The following CLIP2 variants were observed in gnomAD, a reference collection of about 807,000 sequenced individuals.
CLIP2 encodes the protein CAP-Gly domain-containing linker protein 2.
Under a neutral mutation model 111.7 loss-of-function variants are expected in CLIP2, and 41 were observed. The ratio of observed to expected loss-of-function variants is 0.37; its 90% CI spans 0.29 to 0.48. The LOEUF is 0.48. Ranked by LOEUF, CLIP2 falls within the 20% of genes least tolerant of loss-of-function variation. CLIP2 has a pLI of 0.99. For missense variants in CLIP2, 1,160 were observed against 1,422.1 expected, an observed-to-expected ratio of 0.82 and a Z score of 2.96; for synonymous variants, 660 against 644.2, an observed-to-expected ratio of 1.02 and a Z score of -0.37.
In CLIP2 at chr7:74,357,262, A is replaced by C. The variant is rs1554308637; in HGVS notation, c.1018-18A>C. 6.2e-7 allele frequency: 1 copy of C among 1,613,024 alleles called. No homozygotes were observed. On this transcript the variant is annotated intron_variant, in intron 5 of 16. Coordinates refer to ENST00000223398, the MANE Select transcript of CLIP2 (RefSeq NM_003388.5). ...CTTCAGATCCCTGAGACCCGCCTGCATCCACACCTTCCTGCAGCTCACGGA... is the reference window on the plus strand; with the variant it reads ...CTTCAGATCCCTGAGACCCGCCTGCCTCCACACCTTCCTGCAGCTCACGGA...
intron 9 of CLIP2, 146 bp from the exon 10 acceptor site, chr7:74,375,741 G>A: frequency 1.6e-6 from 1 of 625,942 alleles, no homozygotes; most frequent in Non-Finnish European, 2.7e-6. Context: ...AGGAGGGAGT[G>A]AGCGCCTTTC....
In CLIP2 at chr7:74,405,649, G is replaced by C. The variant is rs1192091254; in HGVS notation, c.*1801G>C. ...CAAAATCAGGCAGCTCTGCCCCATC[G>C]GTAGGGGCACCGATTAGTCTACTAA... is the stretch of plus-strand genomic sequence containing the variant. On this transcript the variant is annotated 3_prime_UTR_variant, in exon 17 of 17. Transcript: ENST00000223398. 3 of 152,670 alleles carry C rather than the reference G, an allele frequency of 2.0e-5. No individual in the cohort carries two copies. Among genetic ancestry groups the C allele is most frequent in the African/African-American group, 4.8e-5 (2 of 41,448 alleles). The allele number at this position is 152,670 out of a possible 1,614,324, so 9.5% of individuals were successfully genotyped here. A position where few individuals can be genotyped will look rare whatever the true frequency, so the allele number is the denominator to read the frequency against.
intron 13 of CLIP2, among the ~76,000 whole-genome samples, chr7:74,396,022 C>T (rs781925610): frequency 2.6e-5 from 4 of 152,106 alleles, no homozygotes; most frequent in African/African-American, 4.8e-5. Flanking sequence ...GTTCTCTACC[C>T]GTGGCCACCT....
At chr7:74,357,679 A>G (rs945195882) in intron 6 of CLIP2, among the ~76,000 whole-genome samples, 3 of 152,162 alleles carry the variant, frequency 2.0e-5, no homozygotes, top group African/African-American at 7.2e-5. Flanking sequence ...GTATAAGGAT[A>G]CATACACCTA....
At position 74,317,639 on chromosome 7, in the gene CLIP2, G is replaced by A. The variant is rs782716870; in HGVS notation, c.93G>A (p.Ser31=). Residue 31 remains serine (S), a synonymous_variant, in exon 2 of 17, where the codon TCG becomes TCA. Coordinates refer to ENST00000223398, the MANE Select transcript of CLIP2 (RefSeq NM_003388.5). ...GRTSTGSASS[S]AAVAASSKEG... is the part of the protein sequence containing the mutation. ...CATCTACTGGGTCAGCTTCATCCTC[G>A]GCGGCGGTGGCCGCTAGCTCCAAGG... 143 of 1,515,298 alleles carry A rather than the reference G, an allele frequency of 9.4e-5. No individual in the cohort carries two copies. Among genetic ancestry groups the A allele is most frequent in the Non-Finnish European group, 1.2e-4 (139 of 1,125,448 alleles). 93.9% of individuals were successfully genotyped at this position (1,515,298 alleles called of 1,614,324 possible). A position where few individuals can be genotyped will look rare whatever the true frequency, so the allele number is the denominator to read the frequency against.
intron 1 of CLIP2, among the ~76,000 whole-genome samples, chr7:74,310,036 CAAAAAAAAAAAAAA>C (rs71094774): frequency 6.3e-4 from 58 of 92,438 alleles, no homozygotes; most frequent in African/African-American, 3.4e-3. Flanking sequence ...CCTGTCTCTA[CAAAAAAAAAAAAAA>C]AAAAAAAAAA....
intron 1 of CLIP2, among the ~76,000 whole-genome samples, chr7:74,315,366 A>G (rs1349061923): frequency 1.3e-5 from 2 of 150,620 alleles, no homozygotes; most frequent in Non-Finnish European, 3.0e-5. Context: ...TTTTTTTGCC[A>G]TGATTAATAT....
intron 3 of CLIP2, among the ~76,000 whole-genome samples, chr7:74,340,880 G>A (rs1437073821): frequency 5.3e-5 from 8 of 152,086 alleles, no homozygotes; most frequent in African/African-American, 1.9e-4. Flanking sequence ...CCAACCCGAG[G>A]TGGGGAGCAC....
In CLIP2 at chr7:74,326,901, G is replaced by A. The variant is rs139463811; in HGVS notation, c.121+9234G>A. 2.6e-3 allele frequency among the ~76,000 whole-genome samples: 393 copies of A among 151,724 alleles called. 2 individuals carry two copies. The highest frequency in any genetic ancestry group is 9.3e-3 in the African/African-American group (384 of 41,368). ...TCCGCCTGCCTCGGCCTCCCAAAGTGCTAGGATTACAGGCCTGGGTCACCG... is the reference window on the plus strand; with the variant it reads ...TCCGCCTGCCTCGGCCTCCCAAAGTACTAGGATTACAGGCCTGGGTCACCG... On this transcript the variant is annotated intron_variant, in intron 2 of 16. Transcript: ENST00000223398.
intron 1 of CLIP2, among the ~76,000 whole-genome samples, chr7:74,292,040 G>C (rs1357054773): frequency 6.6e-6 from 1 of 151,182 alleles, no homozygotes; most frequent in African/African-American, 2.4e-5. Flanking sequence ...TTCTGCCTCA[G>C]CCTCCCAAGT....
intron 2 of CLIP2, among the ~76,000 whole-genome samples, chr7:74,318,147 TAAAA>T (rs879957991): frequency 7.6e-6 from 1 of 131,744 alleles, no homozygotes; most frequent in South Asian, 2.4e-4. Flanking sequence ...GTCTCAAAAA[TAAAA>T]AAAAAAAGAG....
chr7:74,299,070 A>G (rs2116452194), intron 1 of CLIP2, among the ~76,000 whole-genome samples: 1 of 152,040 alleles, frequency 6.6e-6, no homozygotes, highest in Admixed American at 6.6e-5. Flanking sequence ...GGTGGCTCAC[A>G]CCTGTAATCC....
At chr7:74,336,781 C>T (rs1330672340) in intron 2 of CLIP2, among the ~76,000 whole-genome samples, 2 of 151,464 alleles carry the variant, frequency 1.3e-5, no homozygotes, top group Non-Finnish European at 2.9e-5. Context: ...AATTGGGGAT[C>T]AGATGAGCTA....
At chr7:74,317,419 C>A in intron 1 of CLIP2, 61 bp from the exon 2 acceptor site, 1 of 1,169,742 alleles carries the variant, frequency 8.5e-7, no homozygotes, top group Non-Finnish European at 1.1e-6. Context: ...GCTTGATGGC[C>A]CTTGAGGGTC....
chr7:74,314,938 G>A (rs1175878892), intron 1 of CLIP2, among the ~76,000 whole-genome samples: 3 of 152,092 alleles, frequency 2.0e-5, no homozygotes, highest in Non-Finnish European at 4.4e-5. Context: ...AGTCCCTTTT[G>A]TAAAGCGCTG....
At chr7:74,402,810 A>T (rs1297087106) in intron 16 of CLIP2, among the ~76,000 whole-genome samples, 1 of 152,192 alleles carries the variant, frequency 6.6e-6, no homozygotes, top group Non-Finnish European at 1.5e-5. Context: ...AGACACAGGC[A>T]GGGTTATGTG....
At chr7:74,381,452 G>A (rs1554313898) in intron 11 of CLIP2, 1 of 346,072 alleles carries the variant, frequency 2.9e-6, no homozygotes, top group African/African-American at 2.2e-5. Context: ...CTCCCGAAGT[G>A]TTGGGATTAC....
chr7:74,318,345 G>A lies in CLIP2; in HGVS notation c.121+678G>A, dbSNP rs576037473. ...TTTTCATCCTAATAATGAGAGCTACGGGAGGGTTTAAACCAAGATGAGTAT... is the reference window on the plus strand; with the variant it reads ...TTTTCATCCTAATAATGAGAGCTACAGGAGGGTTTAAACCAAGATGAGTAT... On this transcript the variant is annotated intron_variant, in intron 2 of 16. Coordinates refer to ENST00000223398, the MANE Select transcript of CLIP2 (RefSeq NM_003388.5). 3.9e-5 allele frequency among the ~76,000 whole-genome samples: 6 copies of A among 152,134 alleles called. No individual in the cohort carries two copies. The South Asian group carries it at 6.2e-4, about 16-fold the overall frequency.
chr7:74,386,898 C>T (rs1203570768), intron 12 of CLIP2, among the ~76,000 whole-genome samples: 1 of 151,888 alleles, frequency 6.6e-6, no homozygotes, highest in African/African-American at 2.4e-5. Flanking sequence ...TGGCATGCAC[C>T]TGTAATCCCA....
Sources: allele counts gnomAD v4.1 joint callset (sites outside exome capture counted in the v4.1 genomes callset), GRCh38; gene constraint gnomAD v4.1.1; transcripts MANE v1.5; gene names NCBI Gene and HGNC (gene_info 2026-07-23, HGNC 2026-07-21).